Variants in AP1G2 observed in about 807,000 individuals in gnomAD.
AP1G2 encodes the protein adaptor related protein complex 1 subunit gamma 2, also known as AP-1 complex subunit gamma-like 2.
AP1G2 carries 85 observed loss-of-function variants against 95.8 expected under a neutral mutation model. The observed-to-expected ratio is 0.89, with a 90% CI of 0.74 to 1.06. The LOEUF (loss-of-function observed/expected upper bound fraction) is 1.06, where lower values mean the gene tolerates loss of function less well. Ranked by LOEUF, AP1G2 falls within the 50% of genes least tolerant of loss-of-function variation. The pLI is 0.00. For missense variants in AP1G2, 967 were observed against 1,005.8 expected (o/e 0.96, Z 0.52); for synonymous variants, 378 against 400.0 (o/e 0.94, Z 0.66).
intron 6 of AP1G2, 43 bp from the exon 7 acceptor site, chr14:23,565,744 C>G: frequency 6.2e-7 from 1 of 1,609,440 alleles, no homozygotes; most frequent in Non-Finnish European, 8.5e-7. Flanking sequence ...CTAATCCTCT[C>G]CAGCTAAAGC....
chr14:23,560,057 G>A (rs1883382087), intron 20 of AP1G2, 21 bp from the exon 21 acceptor site: 4 of 1,546,406 alleles, frequency 2.6e-6, no homozygotes, highest in Non-Finnish European at 3.6e-6. Flanking sequence ...GAGTTTAACA[G>A]AGCACAGTAT....
intron 14 of AP1G2, chr14:23,562,844 G>A (rs1427183364): frequency 1.8e-6 from 1 of 548,684 alleles, no homozygotes; most frequent in Non-Finnish European, 3.1e-6. Context: ...CCTTTAGGCA[G>A]TGCAGAGATG....
chr14:23,567,110 C>T lies in AP1G2; in HGVS notation c.204+1G>A. 6.2e-7 allele frequency: 1 copy of T among 1,609,050 alleles called. No individual in the cohort carries two copies. The highest frequency in any genetic ancestry group is 1.1e-5 in the South Asian group (1 of 90,674). On this transcript the variant is annotated splice_donor_variant, in intron 2 of 21. Coordinates refer to ENST00000397120, the MANE Select transcript of AP1G2 (RefSeq NM_003917.5). LOFTEE classifies it high-confidence loss of function. This position sits in a 1 kb window ranked among gnomAD's most constrained non-coding sequence, Gnocchi z 5.3. ...AGGAGGGAGGTATTCCTGGCCAGTA[C>T]CTGTCCAAAGTGGGCGGGGTAGCCC...
Position 23,567,357 on chromosome 14 carries a change from G to C in AP1G2, c.-5-38C>G. ...GGGAGTGGAGAAACACTCTCTGGTC[G>C]GGCGTGCCTGGGCTTTCGGCCCAGG... is the stretch of plus-strand genomic sequence containing the variant. On this transcript the variant is annotated intron_variant, in intron 1 of 21. Transcript: ENST00000397120. This position sits in a 1 kb window ranked among gnomAD's most constrained non-coding sequence, Gnocchi z 5.3. The C allele has an allele frequency of 6.3e-7, 1 of 1,578,864 alleles. No individual in the cohort carries two copies. Among genetic ancestry groups the C allele is most frequent in the South Asian group, 1.1e-5 (1 of 87,300 alleles).
rs746482320 is a variant in AP1G2, at chr14:23,560,238, C to T, written c.2157+17G>A. The T allele has an allele frequency of 6.2e-7, 1 of 1,612,586 alleles. No homozygotes were observed. The highest frequency in any genetic ancestry group is 8.5e-7 in the Non-Finnish European group (1 of 1,179,808). Reference sequence around the variant, plus strand: ...CTGGAGTCCCCAGGCCACCTCTGAACTCTGATCTTTACAAACCTTGGGCAC... The same window carrying T: ...CTGGAGTCCCCAGGCCACCTCTGAATTCTGATCTTTACAAACCTTGGGCAC... On this transcript the variant is annotated intron_variant, in intron 20 of 21. Transcript: ENST00000397120.
intron 14 of AP1G2, chr14:23,562,881 G>T (rs2139196140): frequency 3.8e-6 from 2 of 520,938 alleles, no homozygotes; most frequent in East Asian, 7.9e-5. Context: ...GTGGGGAAAG[G>T]GAAGTTTGTT....
Position 23,565,885 on chromosome 14 carries a change from C to A in AP1G2, c.576G>T (p.Leu192=). 1.3e-6 allele frequency: 2 copies of A among 1,587,966 alleles called. No individual in the cohort carries two copies. The highest frequency in any genetic ancestry group is 1.7e-6 in the Non-Finnish European group (2 of 1,168,880). The change falls in exon 6 of 22, where the codon CTG becomes CTT. Residue 192 remains leucine (L), a synonymous_variant. Transcript: ENST00000397120. ...CCGTGATCAGCGTGATGGTGCCCAG[C>A]AGGATGCCTGGGGTCAGCGTCGGGG... ...QLLHERHHGI[L]LGTITLITEL... is the part of the protein sequence containing the mutation.
Position 23,564,368 on chromosome 14 carries a change from A to G in AP1G2, c.942T>C (p.Leu314=). ...TGTCACTGTTGAGTAGGAAGCGACC[A>G]AGAATGTTGACAGCTAGAACCTATG... ...AGLRVLAVNI[L]GRFLLNSDRN... Residue 314 remains leucine (L), a synonymous_variant, in exon 10 of 22, where the codon CTT becomes CTC. Coordinates refer to ENST00000397120, the MANE Select transcript of AP1G2 (RefSeq NM_003917.5). 6.2e-7 allele frequency: 1 copy of G among 1,614,226 alleles called. No individual in the cohort carries two copies. Among genetic ancestry groups the G allele is most frequent in the Non-Finnish European group, 8.5e-7 (1 of 1,180,052 alleles).
rs955398020 is a variant in AP1G2, at chr14:23,559,665, G to T, written c.*84C>A. ...TGCAAAGCCAGAGCGCCACCTGCTGGTAGCCCTCAGGTGTAGGTTCGAAGC... is the reference window on the plus strand; with the variant it reads ...TGCAAAGCCAGAGCGCCACCTGCTGTTAGCCCTCAGGTGTAGGTTCGAAGC... On this transcript the variant is annotated 3_prime_UTR_variant, in exon 22 of 22. Transcript: ENST00000397120. 2 of 1,267,840 alleles carry T rather than the reference G, an allele frequency of 1.6e-6. No individual in the cohort carries two copies. The highest frequency in any genetic ancestry group is 2.9e-5 in the African/African-American group (2 of 67,910). The allele number at this position is 1,267,840 out of a possible 1,614,324, so 78.5% of individuals were successfully genotyped here. A position where few individuals can be genotyped will look rare whatever the true frequency, so the allele number is the denominator to read the frequency against.
chr14:23,561,979 C>G lies in AP1G2; in HGVS notation c.1716G>C (p.Arg572=). The G allele has an allele frequency of 6.2e-7, 1 of 1,611,684 alleles. No individual in the cohort carries two copies. Among genetic ancestry groups the G allele is most frequent in the Non-Finnish European group, 8.5e-7 (1 of 1,178,974 alleles). Residue 572 remains arginine (R), a synonymous_variant, in exon 17 of 22, where the codon CGG becomes CGC. Coordinates refer to ENST00000397120, the MANE Select transcript of AP1G2 (RefSeq NM_003917.5). ...GGACACACCTCATGTGGTCGTATTT[C>G]CGGAAGAGTGTGTCATACTCCACAG... The part of the protein sequence containing the change: ...QRAVEYDTLF[R]KYDHMRAAIL...
At chr14:23,566,477 A>G in intron 3 of AP1G2, 58 bp from the exon 4 acceptor site, 2 of 1,607,050 alleles carry the variant, frequency 1.2e-6, no homozygotes, top group South Asian at 1.1e-5. Context: ...CCTTTTCAAT[A>G]CCCACAACAG....
chr14:23,567,420 C>G lies in AP1G2; in HGVS notation c.-5-101G>C. ...CAAGACCCTAAGAGCCCGGGTCCCA[C>G]AGGTACCCTAAAATTGCGCCCGCAT... is the stretch of plus-strand genomic sequence containing the variant. On this transcript the variant is annotated intron_variant, in intron 1 of 21. Coordinates refer to ENST00000397120, the MANE Select transcript of AP1G2 (RefSeq NM_003917.5). The surrounding 1 kb of genome is among the most constrained non-coding windows in gnomAD (Gnocchi z 5.3). 6.9e-7 allele frequency: 1 copy of G among 1,440,426 alleles called. No homozygotes were observed. The highest frequency in any genetic ancestry group is 3.2e-5 in the Admixed American group (1 of 31,470). 89.2% of individuals were successfully genotyped at this position (1,440,426 alleles called of 1,614,324 possible). A position where few individuals can be genotyped will look rare whatever the true frequency, so the allele number is the denominator to read the frequency against.
Position 23,567,589 on chromosome 14 carries a change from C to T in AP1G2, c.-6+150G>A. 1 of 1,255,082 alleles carries T rather than the reference C, an allele frequency of 8.0e-7. No homozygotes were observed. The highest frequency in any genetic ancestry group is 1.0e-6 in the Non-Finnish European group (1 of 999,430). 77.7% of individuals were successfully genotyped at this position (1,255,082 alleles called of 1,614,324 possible). A position where few individuals can be genotyped will look rare whatever the true frequency, so the allele number is the denominator to read the frequency against. ...CACCTATTTCTCTCTACCGTTTCCT[C>T]CCCCTACCTGGTACCCCATCCCTAG... On this transcript the variant is annotated intron_variant, in intron 1 of 21. Transcript: ENST00000397120. The surrounding 1 kb of genome is among the most constrained non-coding windows in gnomAD (Gnocchi z 5.3).
In AP1G2 at chr14:23,559,865, G is replaced by C; in HGVS notation, c.2257-15C>G. On this transcript the variant is annotated splice_polypyrimidine_tract_variant and intron_variant, in intron 21 of 21. Coordinates refer to ENST00000397120, the MANE Select transcript of AP1G2 (RefSeq NM_003917.5). ...CGCAGGGGGGCCTAGGAATAGGAGA[G>C]CAGGGACCAGGGTTAGCACCCACGG... is the stretch of plus-strand genomic sequence containing the variant. 1 of 1,613,858 alleles carries C rather than the reference G, an allele frequency of 6.2e-7. No homozygotes were observed. Among genetic ancestry groups the C allele is most frequent in the Non-Finnish European group, 8.5e-7 (1 of 1,179,878 alleles).
chr14:23,565,251 CGTG>C (rs1566653367), intron 7 of AP1G2, 52 bp from the exon 8 acceptor site: 1 of 1,571,978 alleles, frequency 6.4e-7, no homozygotes. Flanking sequence ...GATAAGGAGT[CGTG>C]GGGCTGAGGA....
rs1440345805 is a variant in AP1G2, at chr14:23,566,663, G to C, written c.228C>G (p.Ala76=). 2 of 1,614,096 alleles carry C rather than the reference G, an allele frequency of 1.2e-6. No individual in the cohort carries two copies. Among genetic ancestry groups the C allele is most frequent in the African/African-American group, 2.7e-5 (2 of 74,936 alleles). Residue 76 remains alanine, a synonymous_variant, in exon 3 of 22, where the codon GCC becomes GCG. Transcript: ENST00000397120. ...FGQMECLKLI[A]SSRFTDKRVG... ...CCCTCTTGTCTGTGAATCTGGAGGA[G>C]GCGATCAGTTTCAGGCACTCCATCT... is the stretch of plus-strand genomic sequence containing the variant.
Position 23,563,518 on chromosome 14 carries a change from A to C in AP1G2, c.1288-16T>G. 4.3e-6 allele frequency: 7 copies of C among 1,614,246 alleles called. No individual in the cohort carries two copies. The highest frequency in any genetic ancestry group is 5.9e-6 in the Non-Finnish European group (7 of 1,180,028). On this transcript the variant is annotated splice_polypyrimidine_tract_variant and intron_variant, in intron 13 of 21. Coordinates refer to ENST00000397120, the MANE Select transcript of AP1G2 (RefSeq NM_003917.5). ...GGGTGCCCGCCTGGAAGGTGTGGGC[A>C]TGGCCAAGTCAGTGTGGTGAATCTT... is the stretch of plus-strand genomic sequence containing the variant.
chr14:23,563,482 A>G lies in AP1G2; in HGVS notation c.1308T>C (p.Asp436=), dbSNP rs765684529. 5 of 1,614,078 alleles carry G rather than the reference A, an allele frequency of 3.1e-6. No individual in the cohort carries two copies. The East Asian group carries it at 1.1e-4, about 36-fold the overall frequency. The part of the protein sequence containing the change: ...VLTTAGTHVR[D]DAVANLTQLI... ...GCTGGGTCAGGTTGGCCACTGCATC[A>G]TCCCGCACATGGGTGCCCGCCTGGA... The change falls in exon 14 of 22, where the codon GAT becomes GAC. Residue 436 remains aspartate, a synonymous_variant. Coordinates refer to ENST00000397120, the MANE Select transcript of AP1G2 (RefSeq NM_003917.5).
At position 23,561,981 on chromosome 14, in the gene AP1G2, G is replaced by C. The variant is rs371365778; in HGVS notation, c.1714C>G (p.Arg572Gly). The C allele has an allele frequency of 6.2e-7, 1 of 1,611,862 alleles. No homozygotes were observed. Among genetic ancestry groups the C allele is most frequent in the East Asian group, 2.2e-5 (1 of 44,748 alleles). ...ACACACCTCATGTGGTCGTATTTCCGGAAGAGTGTGTCATACTCCACAGCC... is the reference window on the plus strand; with the variant it reads ...ACACACCTCATGTGGTCGTATTTCCCGAAGAGTGTGTCATACTCCACAGCC... The part of the protein sequence containing the change: ...QRAVEYDTLF[R>G]KYDHMRAAIL... Residue 572 changes from arginine (R) to glycine (G), a missense_variant, in exon 17 of 22, where the codon CGG (arginine) becomes GGG (glycine). By Grantham distance (125) the Arg-to-Gly change is moderately radical. Coordinates refer to ENST00000397120, the MANE Select transcript of AP1G2 (RefSeq NM_003917.5).
Sources: gnomAD v4.1 joint callset for allele counts on GRCh38, gnomAD v4.1.1 for gene constraint, Gnocchi (gnomAD v3.1) non-coding constraint, MANE v1.5 for transcripts, NCBI Gene and HGNC (gene_info 2026-07-23, HGNC 2026-07-21) for gene names.